NT5DC1: variants seen among roughly 807,000 people sequenced by gnomAD.
NT5DC1 encodes 5'-nucleotidase domain containing 1, also known as 5'-nucleotidase domain-containing protein 1.
NT5DC1 carries 42 observed loss-of-function variants against 59.4 expected under a neutral mutation model. The ratio of observed to expected loss-of-function variants is 0.71; its 90% confidence interval spans 0.55 to 0.92. NT5DC1 has a LOEUF of 0.92. NT5DC1 is among the 40% of genes least tolerant of loss of function. The probability of loss-of-function intolerance (pLI) is 0.00; values close to 1 mark genes in which losing one functional copy is unlikely to be tolerated. For missense variants in NT5DC1, 501 were observed against 537.1 expected, an observed-to-expected ratio of 0.93 and a Z score of 0.66; for synonymous variants, 172 against 188.1, an observed-to-expected ratio of 0.91 and a Z score of 0.70.
At chr6:116,229,510 T>TC (rs1781972518) in intron 8 of NT5DC1, among the ~76,000 whole-genome samples, 1 of 152,086 alleles carries the variant, frequency 6.6e-6, no homozygotes, top group Admixed American at 6.5e-5. Flanking sequence ...ACTGAGCTCC[T>TC]CCCTCCAGTC....
chr6:116,246,275 C>T lies in NT5DC1; in HGVS notation c.*2251C>T, dbSNP rs1771846958. 2.0e-5 allele frequency: 3 copies of T among 152,032 alleles called. No individual in the cohort carries two copies. The highest frequency in any genetic ancestry group is 6.6e-5 in the Admixed American group (1 of 15,266). 9.4% of individuals were successfully genotyped at this position (152,032 alleles called of 1,614,324 possible). On this transcript the variant is annotated 3_prime_UTR_variant, in exon 12 of 12. Transcript: ENST00000319550. ...CTTTGCTGGCCACTGTTTATCGCAT[C>T]AGCAGAGGAAAGATCTGAATGACTC... is the stretch of plus-strand genomic sequence containing the variant.
Position 116,106,345 on chromosome 6 carries a change from T to A in NT5DC1, c.185+10T>A. 149 of 85,482 alleles carry A rather than the reference T, an allele frequency of 1.7e-3. No homozygotes were observed. Among genetic ancestry groups the A allele is most frequent in the Non-Finnish European group, 2.4e-3 (136 of 57,360 alleles). The allele number at this position is 85,482 out of a possible 1,614,324, so 5.3% of individuals were successfully genotyped here. ...AGGATTGGGATTTCTGGTAAGTTCT[T>A]TTTTTTTTTTTTTTTTTAAGTCTGT... On this transcript the variant is annotated intron_variant, in intron 2 of 11. Coordinates refer to ENST00000319550, the MANE Select transcript of NT5DC1 (RefSeq NM_152729.3).
intron 6 of NT5DC1, among the ~76,000 whole-genome samples, chr6:116,167,060 C>T (rs1292919257): frequency 1.3e-5 from 2 of 152,088 alleles, no homozygotes; most frequent in African/African-American, 2.4e-5. Flanking sequence ...AAAATTAAAT[C>T]ACACTTAAAA....
intron 6 of NT5DC1, among the ~76,000 whole-genome samples, chr6:116,202,232 CACA>C (rs1781364416): frequency 1.3e-5 from 2 of 152,112 alleles, no homozygotes; most frequent in Non-Finnish European, 2.9e-5. Flanking sequence ...CTTCCTTGCA[CACA>C]CTTGGCTATT....
intron 6 of NT5DC1, among the ~76,000 whole-genome samples, chr6:116,161,613 C>T (rs1233586196): frequency 6.6e-6 from 1 of 152,060 alleles, no homozygotes; most frequent in Non-Finnish European, 1.5e-5. Context: ...CAGTAGCATG[C>T]TGTTTTGGTT....
intron 7 of NT5DC1, among the ~76,000 whole-genome samples, chr6:116,221,462 T>C (rs1180884543): frequency 1.3e-5 from 2 of 152,204 alleles, no homozygotes; most frequent in Non-Finnish European, 2.9e-5. Context: ...TCACCGAATG[T>C]CCAGGTTTTA....
chr6:116,158,098 A>C (rs1042518193), intron 6 of NT5DC1, among the ~76,000 whole-genome samples: 6 of 152,298 alleles, frequency 3.9e-5, no homozygotes, highest in Admixed American at 1.3e-4. Context: ...GAACTACAAG[A>C]ACTTTCTAGT....
intron 6 of NT5DC1, among the ~76,000 whole-genome samples, chr6:116,212,172 C>T (rs762696412): frequency 6.6e-6 from 1 of 152,016 alleles, no homozygotes; most frequent in Non-Finnish European, 1.5e-5. Context: ...GAGTTAAAAT[C>T]TCACTGATTT....
intron 5 of NT5DC1, among the ~76,000 whole-genome samples, chr6:116,116,752 T>G (rs9488841): frequency 3.9e-5 from 6 of 151,946 alleles, no homozygotes; most frequent in Admixed American, 3.9e-4. Context: ...AGCAATAGTT[T>G]GGGTATGTTT....
At chr6:116,188,446 A>G (rs942521548) in intron 6 of NT5DC1, among the ~76,000 whole-genome samples, 3 of 152,098 alleles carry the variant, frequency 2.0e-5, no homozygotes, top group Admixed American at 6.6e-5. Context: ...TCATACAGTG[A>G]CATTCTATTC....
intron 6 of NT5DC1, among the ~76,000 whole-genome samples, chr6:116,219,620 A>G (rs1019339489): frequency 2.6e-5 from 4 of 152,022 alleles, no homozygotes; most frequent in African/African-American, 9.7e-5. Context: ...AATATTTGCT[A>G]CCGTTTTTTG....
intron 6 of NT5DC1, among the ~76,000 whole-genome samples, chr6:116,141,104 A>G (rs183264888): frequency 4.6e-5 from 7 of 152,290 alleles, no homozygotes; most frequent in Admixed American, 1.3e-4. Context: ...TTAAACTTCA[A>G]GGTTTGCCAA....
chr6:116,223,059 A>G lies in NT5DC1; in HGVS notation c.730A>G (p.Ile244Val). The change falls in exon 8 of 12, where the codon ATT (isoleucine) becomes GTT (valine). Residue 244 changes from isoleucine (I) to valine (V), a missense_variant. Ile to Val is a conservative substitution (Grantham distance 29). Transcript: ENST00000319550. ...LGNDFTDLFD[I>V]VITNALKPGF... ...GAATGATTTTACAGACCTTTTTGAC[A>G]TTGTGATTACAAATGCATTGAAGCC... 3.1e-6 allele frequency: 5 copies of G among 1,602,170 alleles called. No homozygotes were observed. The highest frequency in any genetic ancestry group is 2.7e-5 in the African/African-American group (2 of 74,660).
intron 6 of NT5DC1, among the ~76,000 whole-genome samples, chr6:116,146,125 G>GA (rs951954057): frequency 1.3e-4 from 20 of 152,054 alleles, no homozygotes; most frequent in Non-Finnish European, 2.4e-4. Context: ...TAATACTAAT[G>GA]AAAAAAAACT....
rs1455050752 is a variant in NT5DC1 at position 116,137,185 on chromosome 6, T to C, written c.529+19240T>C. 3 of 182,570 alleles carry C rather than the reference T, an allele frequency of 1.6e-5. No individual in the cohort carries two copies. In the East Asian group the frequency reaches 4.3e-4, roughly 26 times the overall value. 11.3% of individuals were successfully genotyped at this position (182,570 alleles called of 1,614,324 possible). ...GCTGCCACCCCAAAACCCAAAGGGA[T>C]GTCTGCCACCACCACTTCCTGGCCA... On this transcript the variant is annotated intron_variant, in intron 6 of 11. Transcript: ENST00000319550.
At chr6:116,222,754 A>G (rs1781832288) in intron 7 of NT5DC1, among the ~76,000 whole-genome samples, 1 of 152,160 alleles carries the variant, frequency 6.6e-6, no homozygotes, top group African/African-American at 2.4e-5. Flanking sequence ...TGAGTTCACT[A>G]CCAAAGCCAG....
chr6:116,110,869 A>G lies in NT5DC1; in HGVS notation c.277A>G (p.Met93Val), dbSNP rs773160374. The change falls in exon 4 of 12, where the codon ATG (methionine) becomes GTG (valine). Residue 93 changes from methionine (M) to valine (V), a missense_variant. Physicochemically the swap from Met to Val is conservative, Grantham distance 21. Transcript: ENST00000319550. ...TVLRASHGTK[M>V]MTPEVLAEAY... ...AATCAGGGCAAGCCATGGCACCAAG[A>G]TGATGACTCCAGAGGTGCTGGCAGA... 6.2e-7 allele frequency: 1 copy of G among 1,613,912 alleles called. No individual in the cohort carries two copies. The highest frequency in any genetic ancestry group is 1.6e-4 in the Middle Eastern group (1 of 6,062).
In NT5DC1 at chr6:116,185,809, C is replaced by A. The variant is rs141682693; in HGVS notation, c.530-35245C>A. ...ACAGCAGATACTTGGTTGGTGAATT[C>A]TTAGCCATTCTGTCATTCTGTATCT... On this transcript the variant is annotated intron_variant, in intron 6 of 11. Coordinates refer to ENST00000319550, the MANE Select transcript of NT5DC1 (RefSeq NM_152729.3). Among the ~76,000 whole-genome samples, 89 of 152,110 alleles carry A rather than the reference C, an allele frequency of 5.9e-4. 1 individual carries two copies. The highest frequency in any genetic ancestry group is 4.1e-3 in the Admixed American group (62 of 15,272).
chr6:116,139,274 G>A (rs1779704333), intron 6 of NT5DC1, among the ~76,000 whole-genome samples: 1 of 152,048 alleles, frequency 6.6e-6, no homozygotes, highest in Admixed American at 6.5e-5. Context: ...CAATTTGTGG[G>A]TAATTAACTT....
Sources: gnomAD v4.1 joint callset for allele counts (sites outside exome capture counted in the v4.1 genomes callset) on GRCh38, gnomAD v4.1.1 for gene constraint, MANE v1.5 for transcripts, NCBI Gene and HGNC (gene_info 2026-07-23, HGNC 2026-07-21) for gene names.